The following GCN1 variants were observed in gnomAD, a reference collection of about 807,000 sequenced individuals.
GCN1 encodes the protein stalled ribosome sensor GCN1.
GCN1 carries 90 observed loss-of-function variants against 288.4 expected under a neutral mutation model. That is an observed-to-expected ratio of 0.31 (90% CI 0.26 to 0.37). The LOEUF (loss-of-function observed/expected upper bound fraction) is 0.37, where lower values mean the gene tolerates loss of function less well. Ranked by LOEUF, GCN1 falls within the 10% of genes least tolerant of loss-of-function variation. The pLI is 1.00. For missense variants in GCN1, 2,586 were observed against 3,419.9 expected, an observed-to-expected ratio of 0.76 and a Z score of 6.08; for synonymous variants, 1,386 against 1,420.2, an observed-to-expected ratio of 0.98 and a Z score of 0.54.
Position 120,153,140 on chromosome 12 carries a change from A to G in GCN1, c.4062+73T>C. The stretch of plus-strand genomic sequence containing the variant: ...CTGATTGTCCAACTCCACCCCTAGT[A>G]TCCCACCGCCTAACCACAGCCGGGT... On this transcript the variant is annotated intron_variant, in intron 33 of 57. Coordinates refer to ENST00000300648, the MANE Select transcript of GCN1 (RefSeq NM_006836.2). This position sits in a 1 kb window ranked among gnomAD's most constrained non-coding sequence, Gnocchi z 4.4. The G allele has an allele frequency of 7.6e-7, 1 of 1,314,640 alleles. No individual in the cohort carries two copies. Among genetic ancestry groups the G allele is most frequent in the Non-Finnish European group, 1.1e-6 (1 of 928,864 alleles). The allele number at this position is 1,314,640 out of a possible 1,614,324, so 81.4% of individuals were successfully genotyped here.
At chr12:120,175,419 G>GAAA (rs1454247099) in intron 11 of GCN1, among the ~76,000 whole-genome samples, 1 of 152,082 alleles carries the variant, frequency 6.6e-6, no homozygotes, top group Non-Finnish European at 1.5e-5. Flanking sequence ...TTGAGAAACA[G>GAAA]AAAAAATATA....
In GCN1 at chr12:120,157,836, C is replaced by A; in HGVS notation, c.3087+13G>T. On this transcript the variant is annotated intron_variant, in intron 26 of 57. Coordinates refer to ENST00000300648, the MANE Select transcript of GCN1 (RefSeq NM_006836.2). ...CCTTTAAACCAAGAGGAGAGCAGAG[C>A]TTCCCTGCCAACCTCGTCCACCCGC... The A allele has an allele frequency of 1.9e-6, 3 of 1,610,102 alleles. No individual in the cohort carries two copies. The highest frequency in any genetic ancestry group is 2.5e-6 in the Non-Finnish European group (3 of 1,177,154).
chr12:120,144,985 G>A lies in GCN1; in HGVS notation c.5093C>T (p.Pro1698Leu), dbSNP rs749928955. The change falls in exon 40 of 58, where the codon CCG becomes CTG. Residue 1698 changes from proline to leucine, a missense_variant. Transcript: ENST00000300648. The surrounding 1 kb of genome is among the most constrained non-coding windows in gnomAD (Gnocchi z 4.7). ...ATAGGTCAGTGTCTCCATCAGCCAC[G>A]GCAGCAAGTCCTCAAAGCACGACTC... The part of the protein sequence containing the change: ...MGESCFEDLL[P>L]WLMETLTYEQ... 1.8e-5 allele frequency: 29 copies of A among 1,613,932 alleles called. No individual in the cohort carries two copies. Among genetic ancestry groups the A allele is most frequent in the Non-Finnish European group, 2.3e-5 (27 of 1,180,020 alleles).
intron 37 of GCN1, among the ~76,000 whole-genome samples, chr12:120,147,853 C>A (rs556983050): frequency 6.6e-6 from 1 of 152,114 alleles, no homozygotes; most frequent in Non-Finnish European, 1.5e-5. Context: ...CCTTCCTTAA[C>A]CCTCCCCTCT....
Position 120,127,936 on chromosome 12 carries a change from C to G in GCN1, c.7929G>C (p.Val2643=). Residue 2643 remains valine, a synonymous_variant, in exon 58 of 58, where the codon GTG becomes GTC. Transcript: ENST00000300648. ...SKILDVASLE[V]LNEVNRRSLK... is the part of the protein sequence containing the mutation. ...GGGACCTTCGGTTAACCTCGTTCAG[C>G]ACCTCCAAACTGGCCACATCCAGGA... is the stretch of plus-strand genomic sequence containing the variant. 5 of 1,614,098 alleles carry G rather than the reference C, an allele frequency of 3.1e-6. No individual in the cohort carries two copies. Among genetic ancestry groups the G allele is most frequent in the Non-Finnish European group, 4.2e-6 (5 of 1,179,936 alleles).
intron 5 of GCN1, among the ~76,000 whole-genome samples, chr12:120,181,198 ACT>A (rs1397876144): frequency 6.6e-6 from 1 of 151,670 alleles, no homozygotes; most frequent in Non-Finnish European, 1.5e-5. Flanking sequence ...GGGCGTGGTG[ACT>A]CACACCTATA....
chr12:120,144,705 G>A lies in GCN1; in HGVS notation c.5286C>T (p.Tyr1762=), dbSNP rs1188626330. 2 of 1,614,022 alleles carry A rather than the reference G, an allele frequency of 1.2e-6. No individual in the cohort carries two copies. The highest frequency in any genetic ancestry group is 1.7e-6 in the Non-Finnish European group (2 of 1,179,836). ...VRDGYIMMFN[Y]LPITFGDKFT... is the part of the protein sequence containing the mutation. Reference sequence around the variant, plus strand: ...ACTTGTCTCCAAAGGTGATGGGCAGGTAGTTAAACATCATAATGTAGCCAT... The same window carrying A: ...ACTTGTCTCCAAAGGTGATGGGCAGATAGTTAAACATCATAATGTAGCCAT... The change falls in exon 41 of 58, where the codon TAC becomes TAT. Residue 1762 remains tyrosine (Y), a synonymous_variant. Transcript: ENST00000300648. This position sits in a 1 kb window ranked among gnomAD's most constrained non-coding sequence, Gnocchi z 4.7.
chr12:120,154,472 G>A (rs948484464), intron 31 of GCN1, among the ~76,000 whole-genome samples: 2 of 152,218 alleles, frequency 1.3e-5, no homozygotes, highest in African/African-American at 4.8e-5. Flanking sequence ...AGCCTGCTCT[G>A]TGGGAGGCAA....
chr12:120,142,902 G>A lies in GCN1; in HGVS notation c.5535C>T (p.His1845=). 6.2e-7 allele frequency: 1 copy of A among 1,613,450 alleles called. No individual in the cohort carries two copies. Among genetic ancestry groups the A allele is most frequent in the Non-Finnish European group, 8.5e-7 (1 of 1,179,352 alleles). The change falls in exon 43 of 58, where the codon CAC becomes CAT. Residue 1845 remains histidine (H), a synonymous_variant. Transcript: ENST00000300648. The surrounding 1 kb of genome is among the most constrained non-coding windows in gnomAD (Gnocchi z 4.9). ...TCATCTTCCCAGTGACTCCTGAGATGTGAAACAGGAGATCCCCAAGGAGCT... is the reference window on the plus strand; with the variant it reads ...TCATCTTCCCAGTGACTCCTGAGATATGAAACAGGAGATCCCCAAGGAGCT... The part of the protein sequence containing the change: ...SVQLLGDLLF[H]ISGVTGKMTT...
rs773720465 is a variant in GCN1, at chr12:120,138,401, C to T, written c.6171G>A (p.Val2057=). ...TCAGACCATCCAAGGCAAACTCTGA[C>T]ACCTCCTCGTCATCCTGCAGAGGGT... is the stretch of plus-strand genomic sequence containing the variant. The part of the protein sequence containing the change: ...FLLKQLDDEE[V]SEFALDGLKQ... Residue 2057 remains valine (V), a synonymous_variant, in exon 47 of 58, where the codon GTG becomes GTA. Coordinates refer to ENST00000300648, the MANE Select transcript of GCN1 (RefSeq NM_006836.2). 2 of 1,605,604 alleles carry T rather than the reference C, an allele frequency of 1.2e-6. No individual in the cohort carries two copies. The highest frequency in any genetic ancestry group is 1.7e-6 in the Non-Finnish European group (2 of 1,172,310).
intron 55 of GCN1, 118 bp downstream of exon 55, chr12:120,131,067 A>T: frequency 2.3e-6 from 2 of 857,698 alleles, no homozygotes; most frequent in Non-Finnish European, 3.8e-6. Context: ...TTACTGACAA[A>T]GGTAAAATTA....
chr12:120,139,917 C>T (rs914732087), intron 45 of GCN1, among the ~76,000 whole-genome samples: 2 of 152,298 alleles, frequency 1.3e-5, no homozygotes, highest in Non-Finnish European at 2.9e-5. Context: ...CCCTCAGTAA[C>T]GATCCCAGCA....
chr12:120,143,989 TCTC>T (rs778556282), intron 42 of GCN1, among the ~76,000 whole-genome samples: 3 of 152,218 alleles, frequency 2.0e-5, no homozygotes, highest in Non-Finnish European at 4.4e-5. Flanking sequence ...TCTTTTTTTT[TCTC>T]CTAAGACAGC....
chr12:120,144,567 T>A lies in GCN1; in HGVS notation c.5352+72A>T. The A allele has an allele frequency of 6.4e-7, 1 of 1,551,350 alleles. No homozygotes were observed. Reference sequence around the variant, plus strand: ...ACCAACCCCAGCCAGCAGGGATCTCTAGCTCTCCAGGTGAGCACTTGCCTC... The same window carrying A: ...ACCAACCCCAGCCAGCAGGGATCTCAAGCTCTCCAGGTGAGCACTTGCCTC... On this transcript the variant is annotated intron_variant, in intron 41 of 57. Transcript: ENST00000300648. This position sits in a 1 kb window ranked among gnomAD's most constrained non-coding sequence, Gnocchi z 4.7.
chr12:120,189,086 T>C (rs1878919728), intron 2 of GCN1, among the ~76,000 whole-genome samples: 1 of 152,100 alleles, frequency 6.6e-6, no homozygotes, highest in South Asian at 2.1e-4. Context: ...CCTTTTTTAT[T>C]TGAGACGGAG....
intron 51 of GCN1, among the ~76,000 whole-genome samples, chr12:120,135,578 G>T (rs1876974946): frequency 1.3e-5 from 2 of 152,000 alleles, no homozygotes; most frequent in African/African-American, 4.8e-5. Context: ...GGTCAGGCTG[G>T]TCTCGAACTC....
At chr12:120,186,791 C>T (rs191977959) in intron 2 of GCN1, among the ~76,000 whole-genome samples, 9 of 152,326 alleles carry the variant, frequency 5.9e-5, no homozygotes, top group African/African-American at 2.2e-4. Flanking sequence ...TCCAACCTAT[C>T]AGGGAAGTAC....
At chr12:120,145,887 T>C (rs1301122680) in intron 38 of GCN1, among the ~76,000 whole-genome samples, 1 of 152,232 alleles carries the variant, frequency 6.6e-6, no homozygotes, top group Non-Finnish European at 1.5e-5. Context: ...ATGTAACTAT[T>C]AAAAATCAGT....
intron 26 of GCN1, 161 bp from the exon 27 acceptor site, chr12:120,157,153 G>A (rs1424312572): frequency 1.8e-6 from 1 of 549,196 alleles, no homozygotes; most frequent in Non-Finnish European, 3.3e-6. Context: ...GTCCACAGGT[G>A]CTAACCCCAG....
Sources: gnomAD v4.1 joint callset for allele counts (sites outside exome capture counted in the v4.1 genomes callset) on GRCh38, gnomAD v4.1.1 for gene constraint, Gnocchi (gnomAD v3.1) non-coding constraint, MANE v1.5 for transcripts, NCBI Gene and HGNC (gene_info 2026-07-23, HGNC 2026-07-21) for gene names.